The following DGLUCY variants were observed in gnomAD, a reference collection of about 807,000 sequenced individuals.
DGLUCY encodes the protein D-glutamate cyclase, also known as D-glutamate cyclase, mitochondrial.
Under a neutral mutation model 58.5 loss-of-function variants are expected in DGLUCY, and 58 were observed. That is an observed-to-expected ratio of 0.99 (90% CI 0.80 to 1.23). DGLUCY has a LOEUF of 1.23. DGLUCY is among the 50% of genes most tolerant of loss of function. The pLI is 0.00. For missense variants in DGLUCY, 779 were observed against 784.7 expected, an observed-to-expected ratio of 0.99 and a Z score of 0.09; for synonymous variants, 325 against 314.1, an observed-to-expected ratio of 1.03 and a Z score of -0.37.
chr14:91,177,275 A>G (rs970998853), intron 7 of DGLUCY, among the ~76,000 whole-genome samples: 1 of 152,198 alleles, frequency 6.6e-6, no homozygotes, highest in Non-Finnish European at 1.5e-5. Flanking sequence ...CATAGGGATA[A>G]CAGCATGAGC....
chr14:91,205,626 C>G (rs1449958973), intron 12 of DGLUCY, among the ~76,000 whole-genome samples: 5 of 152,072 alleles, frequency 3.3e-5, no homozygotes, highest in Non-Finnish European at 7.4e-5. Context: ...TCTGGGGGCC[C>G]TCGTGCTCTT....
intron 1 of DGLUCY, among the ~76,000 whole-genome samples, chr14:91,137,786 G>C (rs951230731): frequency 3.3e-5 from 5 of 152,022 alleles, no homozygotes; most frequent in Non-Finnish European, 5.9e-5. Context: ...TGAGAGAGAG[G>C]GTTTCTAGTT....
intron 9 of DGLUCY, 28 bp downstream of exon 9, chr14:91,189,198 T>C: frequency 1.9e-6 from 3 of 1,611,820 alleles, no homozygotes; most frequent in Non-Finnish European, 1.7e-6. Flanking sequence ...CTTGGTCCAT[T>C]TCCCCAAACG....
At chr14:91,219,239 T>G (rs1033459466) in intron 13 of DGLUCY, among the ~76,000 whole-genome samples, 1 of 152,008 alleles carries the variant, frequency 6.6e-6, no homozygotes, top group African/African-American at 2.4e-5. Context: ...AAAACAGTGC[T>G]TAGCTCAGCA....
upstream of DGLUCY, among the ~76,000 whole-genome samples, chr14:91,103,827 C>T (rs1479756944): frequency 1.4e-5 from 2 of 146,202 alleles, no homozygotes; most frequent in South Asian, 4.3e-4. Flanking sequence ...CACACACACA[C>T]ATATATATAC....
intron 12 of DGLUCY, among the ~76,000 whole-genome samples, chr14:91,206,493 A>C (rs547024342): frequency 1.3e-4 from 20 of 151,756 alleles, no homozygotes; most frequent in Middle Eastern, 6.8e-3. Context: ...AACTATTCTT[A>C]TGCCTCAGCC....
intron 1 of DGLUCY, among the ~76,000 whole-genome samples, chr14:91,083,575 C>T (rs762687926): frequency 5.3e-4 from 81 of 151,686 alleles, no homozygotes; most frequent in African/African-American, 1.8e-3. Flanking sequence ...CGAGTCTCCA[C>T]GCCTGACCCA....
chr14:91,160,294 G>C lies in DGLUCY; in HGVS notation c.-1G>C. The C allele has an allele frequency of 6.2e-7, 1 of 1,610,066 alleles. No individual in the cohort carries two copies. Among genetic ancestry groups the C allele is most frequent in the Non-Finnish European group, 8.5e-7 (1 of 1,176,800 alleles). ...CTCTGCTACTTATTCAAGTTGACAC[G>C]ATGCCCTTCACACTCCACCTGAGGT... On this transcript the variant is annotated 5_prime_UTR_variant, in exon 3 of 14. Coordinates refer to ENST00000256324, the MANE Select transcript of DGLUCY (RefSeq NM_001102368.3).
Position 91,167,224 on chromosome 14 carries a change from G to C in DGLUCY, c.104-1G>C, listed in dbSNP as rs199508395. ...TTTTTCCCTTCTCCCACCATACCCA[G>C]AGCTCCGACCAGCCAGCCTGGTGGT... On this transcript the variant is annotated splice_acceptor_variant, in intron 3 of 13. Transcript: ENST00000256324. LOFTEE classifies it high-confidence loss of function. 1.3e-6 allele frequency: 2 copies of C among 1,582,222 alleles called. No homozygotes were observed. The highest frequency in any genetic ancestry group is 4.1e-5 in the Admixed American group (2 of 49,212).
Position 91,189,028 on chromosome 14 carries a change from G to T in DGLUCY, c.1053G>T (p.Glu351Asp), listed in dbSNP as rs142154756. The change falls in exon 9 of 14, where the codon GAG (glutamate) becomes GAT (aspartate). Residue 351 changes from glutamate (E) to aspartate (D), a missense_variant. Coordinates refer to ENST00000256324, the MANE Select transcript of DGLUCY (RefSeq NM_001102368.3). ...GGTTCCCCACACATTTCAATCATGA[G>T]CCTCCAGAAGAGACAGATGGCCCAC... is the stretch of plus-strand genomic sequence containing the variant. Reference protein sequence around the residue: ...TTGFPTHFNHEPPEETDGPPG... With the variant: ...TTGFPTHFNHDPPEETDGPPG... 1.3e-4 allele frequency: 211 copies of T among 1,614,182 alleles called. 2 individuals are homozygous for T. In the African/African-American group the frequency reaches 2.4e-3, roughly 18 times the overall value.
chr14:91,068,079 G>GCGCACACACACACACACACACACACA (rs375738080), intron 1 of DGLUCY, among the ~76,000 whole-genome samples: 1 of 146,342 alleles, frequency 6.8e-6, no homozygotes, highest in Non-Finnish European at 1.5e-5. Context: ...ACACGCGCAC[G>GCGCACACACACACACACACACACACA]CACACACACA....
At chr14:91,206,075 A>C (rs1283880325) in intron 12 of DGLUCY, among the ~76,000 whole-genome samples, 3 of 151,584 alleles carry the variant, frequency 2.0e-5, no homozygotes, top group Non-Finnish European at 4.4e-5. Flanking sequence ...CCTGCCTTCA[A>C]GTGATTTGCC....
chr14:91,207,739 A>T (rs76317961), intron 12 of DGLUCY, among the ~76,000 whole-genome samples: 2 of 7,356 alleles, frequency 2.7e-4, no homozygotes, highest in African/African-American at 8.9e-4. Context: ...GACTATTTTT[A>T]TTTTTTTCTT....
chr14:91,117,156 A>G (rs2045016575), intron 1 of DGLUCY, among the ~76,000 whole-genome samples: 1 of 152,186 alleles, frequency 6.6e-6, no homozygotes, highest in Non-Finnish European at 1.5e-5. Context: ...TGGCATTTGT[A>G]AACTGTCATG....
chr14:91,156,116 CTTTT>C (rs765375231), intron 1 of DGLUCY, among the ~76,000 whole-genome samples: 1 of 142,012 alleles, frequency 7.0e-6, no homozygotes, highest in Non-Finnish European at 1.6e-5. Context: ...TAGCCTCATT[CTTTT>C]TTTTTTTTTT....
chr14:91,120,037 C>T (rs1379596436), intron 1 of DGLUCY, among the ~76,000 whole-genome samples: 1 of 152,168 alleles, frequency 6.6e-6, no homozygotes, highest in Non-Finnish European at 1.5e-5. Context: ...ATTGGCTTCC[C>T]TGCTCCTCGG....
rs562453319 is a variant in DGLUCY at position 91,061,487 on chromosome 14, C to G, written c.-82+783C>G. On this transcript the variant is annotated intron_variant, in intron 1 of 4. Coordinates refer to the DGLUCY transcript ENST00000521334. ...GTGTGTACACAAAAGAACTATAAAGCAGAATTTGAAATAAAGCAGTCGTAC... is the reference window on the plus strand; with the variant it reads ...GTGTGTACACAAAAGAACTATAAAGGAGAATTTGAAATAAAGCAGTCGTAC... 3.9e-5 allele frequency among the ~76,000 whole-genome samples: 6 copies of G among 152,264 alleles called. No homozygotes were observed. In the South Asian group the frequency reaches 1.2e-3, roughly 32 times the overall value.
chr14:91,144,902 G>A (rs2046932085), intron 1 of DGLUCY, among the ~76,000 whole-genome samples: 2 of 152,244 alleles, frequency 1.3e-5, no homozygotes, highest in East Asian at 3.9e-4. Flanking sequence ...CATTTGGGAG[G>A]GAGTTGGGGG....
chr14:91,158,919 T>C (rs2140338221), intron 2 of DGLUCY: 1 of 150,066 alleles, frequency 6.7e-6, no homozygotes, highest in African/African-American at 2.4e-5. Context: ...AGCCTTGACC[T>C]CCTGGGATCA....
Sources: gnomAD v4.1 joint callset for allele counts (sites outside exome capture counted in the v4.1 genomes callset) on GRCh38, gnomAD v4.1.1 for gene constraint, MANE v1.5 for transcripts, NCBI Gene and HGNC (gene_info 2026-07-23, HGNC 2026-07-21) for gene names.